MTRR: variants seen among roughly 807,000 people sequenced by gnomAD.
The protein encoded by MTRR is 5-methyltetrahydrofolate-homocysteine methyltransferase reductase.
MTRR carries 63 observed loss-of-function variants against 79.2 expected under a neutral mutation model. That is an observed-to-expected ratio of 0.80 (90% CI 0.65 to 0.98). The LOEUF (loss-of-function observed/expected upper bound fraction) is 0.98. Ranked by LOEUF, MTRR falls within the 50% of genes least tolerant of loss-of-function variation. MTRR has a pLI of 0.00. For missense variants in MTRR, 895 were observed against 839.6 expected (o/e 1.07, Z -0.82); for synonymous variants, 355 against 313.3 (o/e 1.13, Z -1.41).
At chr5:7,877,884 C>G in intron 4 of MTRR, 60 bp from the exon 5 acceptor site, 3 of 1,599,704 alleles carry the variant, frequency 1.9e-6, no homozygotes, top group Non-Finnish European at 2.5e-6. Context: ...TTATCCTGTT[C>G]TGTGTTCAGA....
intron 3 of MTRR, among the ~76,000 whole-genome samples, chr5:7,873,993 C>T (rs973947022): frequency 6.6e-5 from 10 of 152,186 alleles, no homozygotes; most frequent in Admixed American, 5.9e-4. Flanking sequence ...GGAGTTTTTA[C>T]TAAATTATAT....
chr5:7,891,581 T>C (rs966104159), intron 10 of MTRR, among the ~76,000 whole-genome samples, 167 bp downstream of exon 10: 3 of 152,196 alleles, frequency 2.0e-5, no homozygotes, highest in African/African-American at 7.2e-5. Flanking sequence ...GCTCCTGTCC[T>C]CTGGGACTTC....
intron 4 of MTRR, among the ~76,000 whole-genome samples, chr5:7,877,318 C>G (rs1258638217): frequency 6.6e-6 from 1 of 152,080 alleles, no homozygotes; most frequent in Non-Finnish European, 1.5e-5. Context: ...ATTCAACTTT[C>G]CCAAAGGAGG....
intron 9 of MTRR, among the ~76,000 whole-genome samples, chr5:7,889,513 T>G (rs1737196234): frequency 6.6e-6 from 1 of 152,052 alleles, no homozygotes; most frequent in African/African-American, 2.4e-5. Context: ...AGACTTTTGG[T>G]TTTCTTTTTT....
rs370030647 is a variant in MTRR at position 7,889,078 on chromosome 5, C to T, written c.1147-17C>T. 4 of 1,613,878 alleles carry T rather than the reference C, an allele frequency of 2.5e-6. No homozygotes were observed. Among genetic ancestry groups the T allele is most frequent in the Non-Finnish European group, 3.4e-6 (4 of 1,179,940 alleles). On this transcript the variant is annotated splice_polypyrimidine_tract_variant and intron_variant, in intron 8 of 14. Coordinates refer to ENST00000440940, the MANE Select transcript of MTRR (RefSeq NM_002454.3). ...CCACAAATTGTGTCACAATTTAAGG[C>T]GGGCTCCTTTTTGTAGGCATTTTTG...
chr5:7,878,922 T>TA (rs939738192), intron 5 of MTRR, among the ~76,000 whole-genome samples: 4 of 152,238 alleles, frequency 2.6e-5, no homozygotes, highest in African/African-American at 9.6e-5. Context: ...GGACTTTTCT[T>TA]ACAAAAACCA....
chr5:7,875,596 C>T (rs181253190), intron 4 of MTRR, among the ~76,000 whole-genome samples: 11 of 152,286 alleles, frequency 7.2e-5, no homozygotes, highest in Admixed American at 3.9e-4. Context: ...TATATGCTAA[C>T]GGCAAGAGTT....
chr5:7,867,716 T>A, upstream of MTRR: 1 of 1,614,248 alleles, frequency 6.2e-7, no homozygotes, highest in Non-Finnish European at 8.5e-7. Flanking sequence ...AGGCAGGGTT[T>A]CCATCGTGCT....
intron 2 of MTRR, among the ~76,000 whole-genome samples, chr5:7,871,785 G>A (rs1278754207): frequency 6.6e-6 from 1 of 152,192 alleles, no homozygotes; most frequent in Non-Finnish European, 1.5e-5. Flanking sequence ...CTGGACACCA[G>A]AGAAAAGGGA....
intron 1 of MTRR, among the ~76,000 whole-genome samples, chr5:7,857,866 G>A (rs1373852575): frequency 2.0e-5 from 3 of 152,174 alleles, no homozygotes; most frequent in Non-Finnish European, 4.4e-5. Context: ...GAAAACTGCA[G>A]AAGGAGGAGC....
chr5:7,892,855 T>G lies in MTRR; in HGVS notation c.1499T>G (p.Val500Gly). ...TGWLALLVAS[V>G]LQPNIHASHE... ...TGGCTGGCCTTGTTGGTTGCTTCAG[T>G]TCTTCAGCCAAACATACATGCATCC... Residue 500 changes from valine to glycine, a missense_variant, in exon 11 of 15, where the codon GTT (valine) becomes GGT (glycine). By Grantham distance (109) the Val-to-Gly change is moderately radical. Transcript: ENST00000440940. The G allele has an allele frequency of 3.1e-6, 5 of 1,614,224 alleles. No homozygotes were observed. The highest frequency in any genetic ancestry group is 4.2e-6 in the Non-Finnish European group (5 of 1,180,026).
At chr5:7,885,883 G>A (rs918960186) in intron 7 of MTRR, 29 bp downstream of exon 7, 1 of 1,613,934 alleles carries the variant, frequency 6.2e-7, no homozygotes, top group East Asian at 2.2e-5. Context: ...TGACGTTGGG[G>A]TGTTGTGGGC....
At chr5:7,895,959 A>G in intron 12 of MTRR, 107 bp downstream of exon 12, 1 of 1,378,350 alleles carries the variant, frequency 7.3e-7, no homozygotes, top group Admixed American at 2.0e-5. Flanking sequence ...TATTTAAAAA[A>G]TTATTATTCA....
chr5:7,863,465 T>C (rs544780002), intron 2 of MTRR, among the ~76,000 whole-genome samples: 1 of 152,302 alleles, frequency 6.6e-6, no homozygotes, highest in South Asian at 2.1e-4. Flanking sequence ...ACAGGCTGCT[T>C]AAAGAAAATG....
chr5:7,890,995 CCCT>C (rs1336094132), intron 9 of MTRR, among the ~76,000 whole-genome samples: 4 of 4,700 alleles, frequency 8.5e-4, no homozygotes, highest in African/African-American at 6.9e-3. Flanking sequence ...CTGGGCACCT[CCCT>C]GCAGAAAACT....
At chr5:7,882,507 C>G (rs1222549325) in intron 5 of MTRR, among the ~76,000 whole-genome samples, 1 of 152,114 alleles carries the variant, frequency 6.6e-6, no homozygotes, top group African/African-American at 2.4e-5. Context: ...AGTTAATTGA[C>G]TAGTACTGTT....
chr5:7,894,006 A>G (rs1349139976), intron 11 of MTRR, among the ~76,000 whole-genome samples: 1 of 152,194 alleles, frequency 6.6e-6, no homozygotes, highest in African/African-American at 2.4e-5. Flanking sequence ...TGATTGTATA[A>G]AGATAGCAGA....
At chr5:7,898,564 G>A (rs1223615770) in intron 14 of MTRR, among the ~76,000 whole-genome samples, 4 of 152,180 alleles carry the variant, frequency 2.6e-5, no homozygotes, top group Non-Finnish European at 5.9e-5. Flanking sequence ...AGAAGGAACA[G>A]CCACTGAAGA....
At chr5:7,895,368 A>G (rs958598480) in intron 11 of MTRR, among the ~76,000 whole-genome samples, 4 of 152,076 alleles carry the variant, frequency 2.6e-5, no homozygotes, top group Non-Finnish European at 5.9e-5. Flanking sequence ...GCTAATCTTT[A>G]TTGTCTTCAT....
Sources: allele counts gnomAD v4.1 joint callset (sites outside exome capture counted in the v4.1 genomes callset), GRCh38; gene constraint gnomAD v4.1.1; transcripts MANE v1.5; gene names NCBI Gene and HGNC (gene_info 2026-07-23, HGNC 2026-07-21).